Variants in CTNND2 observed in about 807,000 individuals in gnomAD.
The protein encoded by CTNND2 is catenin delta 2, also known as catenin delta-2.
Under a neutral mutation model 144.4 loss-of-function variants are expected in CTNND2, and 22 were observed. The ratio of observed to expected loss-of-function variants is 0.15; its 90% CI spans 0.11 to 0.22. The LOEUF (loss-of-function observed/expected upper bound fraction) is 0.22. Ranked by LOEUF, CTNND2 falls within the 10% of genes least tolerant of loss-of-function variation. The probability of loss-of-function intolerance (pLI) is 1.00; values close to 1 mark genes in which losing one functional copy is unlikely to be tolerated. For missense variants in CTNND2, 1,353 were observed against 1,618.8 expected (o/e 0.84, Z 2.82); for synonymous variants, 751 against 695.6 (o/e 1.08, Z -1.25).
At chr5:11,150,075 C>T (rs1208957329) in intron 12 of CTNND2, among the ~76,000 whole-genome samples, 5 of 152,176 alleles carry the variant, frequency 3.3e-5, no homozygotes, top group African/African-American at 7.2e-5. Context: ...AGGGGCCCCA[C>T]GGGGCTGTGC....
chr5:11,618,796 T>C (rs527455967), intron 2 of CTNND2, among the ~76,000 whole-genome samples: 75 of 152,338 alleles, frequency 4.9e-4, no homozygotes, highest in African/African-American at 1.7e-3. Flanking sequence ...AGCTTAATTT[T>C]ACATATATTG....
intron 2 of CTNND2, among the ~76,000 whole-genome samples, chr5:11,611,370 T>C (rs1392851468): frequency 1.3e-5 from 2 of 152,212 alleles, no homozygotes; most frequent in African/African-American, 4.8e-5. Context: ...CAGCAAAACC[T>C]GTCAAGTCTG....
chr5:10,995,533 G>C (rs1354641209), intron 18 of CTNND2, among the ~76,000 whole-genome samples: 8 of 152,186 alleles, frequency 5.3e-5, no homozygotes, highest in Admixed American at 3.3e-4. Flanking sequence ...ATTGGTGAAG[G>C]GGAGACAGTG....
intron 9 of CTNND2, among the ~76,000 whole-genome samples, chr5:11,344,285 G>T (rs887574269): frequency 6.6e-6 from 1 of 152,018 alleles, no homozygotes; most frequent in African/African-American, 2.4e-5. Flanking sequence ...CCAGCTACTC[G>T]GGAGGCTGAG....
At chr5:11,480,133 T>C (rs1430402881) in intron 3 of CTNND2, among the ~76,000 whole-genome samples, 1 of 152,218 alleles carries the variant, frequency 6.6e-6, no homozygotes, top group African/African-American at 2.4e-5. Flanking sequence ...AGGATTTTTA[T>C]AGCTTGGGGT....
intron 8 of CTNND2, among the ~76,000 whole-genome samples, chr5:11,361,854 C>T (rs1451748727): frequency 4.6e-5 from 7 of 152,340 alleles, no homozygotes; most frequent in Non-Finnish European, 4.4e-5. Flanking sequence ...CAAGTGTTGA[C>T]CCCTTGAAGG....
At chr5:11,061,116 C>T (rs1746921950) in intron 16 of CTNND2, among the ~76,000 whole-genome samples, 1 of 151,842 alleles carries the variant, frequency 6.6e-6, no homozygotes, top group Admixed American at 6.6e-5. Context: ...ATCTACCATC[C>T]CCTCCCCTCC....
At chr5:11,331,974 C>T (rs574070087) in intron 9 of CTNND2, among the ~76,000 whole-genome samples, 153 of 151,968 alleles carry the variant, frequency 1.0e-3, no homozygotes, top group African/African-American at 2.5e-3. Context: ...AGCTAAGTAC[C>T]CTGATTTAAG....
chr5:11,489,861 C>G (rs1484961388), intron 3 of CTNND2, among the ~76,000 whole-genome samples: 1 of 152,158 alleles, frequency 6.6e-6, no homozygotes, highest in Non-Finnish European at 1.5e-5. Flanking sequence ...TTAGTGAATG[C>G]GTACGAGATC....
At chr5:11,286,910 T>A (rs1406388594) in intron 9 of CTNND2, among the ~76,000 whole-genome samples, 2 of 152,178 alleles carry the variant, frequency 1.3e-5, no homozygotes, top group Admixed American at 1.3e-4. Flanking sequence ...AATAAGAGCA[T>A]GGAAACCATG....
intron 2 of CTNND2, among the ~76,000 whole-genome samples, chr5:11,587,213 ACAGT>A (rs1393662083): frequency 6.6e-6 from 1 of 152,170 alleles, no homozygotes; most frequent in Non-Finnish European, 1.5e-5. Context: ...TTATTAAATT[ACAGT>A]CAATGTGGAA....
intron 2 of CTNND2, among the ~76,000 whole-genome samples, chr5:11,722,355 G>T (rs1786736364): frequency 1.3e-5 from 2 of 152,260 alleles, no homozygotes; most frequent in South Asian, 4.1e-4. Context: ...GAAATTAATG[G>T]TTACACAGTT....
At chr5:11,410,038 T>C (rs1031860996) in intron 5 of CTNND2, among the ~76,000 whole-genome samples, 1 of 152,112 alleles carries the variant, frequency 6.6e-6, no homozygotes, top group Non-Finnish European at 1.5e-5. Flanking sequence ...ATTTCCACTA[T>C]CATCTCCCCG....
At chr5:11,865,170 C>G (rs1241183625) in intron 1 of CTNND2, among the ~76,000 whole-genome samples, 1 of 152,182 alleles carries the variant, frequency 6.6e-6, no homozygotes. Flanking sequence ...GTTGGGATTA[C>G]AGGCATGAGC....
At chr5:11,658,779 C>T (rs1309068754) in intron 2 of CTNND2, among the ~76,000 whole-genome samples, 1 of 152,138 alleles carries the variant, frequency 6.6e-6, no homozygotes. Flanking sequence ...AATACATTTC[C>T]TGACAATCAG....
At chr5:11,577,975 G>A (rs752253246) in intron 2 of CTNND2, among the ~76,000 whole-genome samples, 4 of 152,146 alleles carry the variant, frequency 2.6e-5, no homozygotes, top group South Asian at 4.1e-4. Flanking sequence ...GAGCTTTTCC[G>A]TAATTAGGCA....
intron 2 of CTNND2, among the ~76,000 whole-genome samples, chr5:11,581,147 A>T (rs1192660315): frequency 3.3e-5 from 5 of 150,986 alleles, no homozygotes; most frequent in Non-Finnish European, 7.4e-5. Context: ...TCAACTATAA[A>T]TTTTTTTTTT....
Position 11,113,326 on chromosome 5 carries a change from C to T in CTNND2, c.2278-2283G>A, listed in dbSNP as rs551390139. Among the ~76,000 whole-genome samples the T allele has an allele frequency of 4.6e-5, 7 of 152,250 alleles. No homozygotes were observed. The East Asian group carries it at 5.8e-4, about 13-fold the overall frequency. ...GTGAGCAAACTGCCGCCCAGGGGTC[C>T]GATCCAGCCCACAGCCGGTTGTGCA... On this transcript the variant is annotated intron_variant, in intron 13 of 21. Coordinates refer to ENST00000304623, the MANE Select transcript of CTNND2 (RefSeq NM_001332.4).
intron 14 of CTNND2, among the ~76,000 whole-genome samples, chr5:11,100,104 C>A (rs1401629571): frequency 6.6e-6 from 1 of 152,128 alleles, no homozygotes; most frequent in Non-Finnish European, 1.5e-5. Context: ...ATCCTTGCAA[C>A]ATAAAAATAG....
Sources: gnomAD v4.1 joint callset for allele counts (sites outside exome capture counted in the v4.1 genomes callset) on GRCh38, gnomAD v4.1.1 for gene constraint, MANE v1.5 for transcripts, NCBI Gene and HGNC (gene_info 2026-07-23, HGNC 2026-07-21) for gene names.